The following NLN variants were observed in gnomAD, a reference collection of about 807,000 sequenced individuals.
The protein encoded by NLN is neurolysin, mitochondrial.
A neutral mutation model predicts 79.9 loss-of-function variants in NLN; 64 were observed. That is an observed-to-expected ratio of 0.80 (90% CI 0.65 to 0.99). The LOEUF is 0.99. Among genes scored for constraint, NLN ranks in the 50% least tolerant of loss-of-function variants. The pLI, the probability that NLN is intolerant of heterozygous loss-of-function variation, is 0.00. For synonymous variants in NLN, 267 were observed against 296.6 expected (o/e 0.90, Z 1.02); for missense variants, 835 against 858.7 (o/e 0.97, Z 0.34).
intron 9 of NLN, among the ~76,000 whole-genome samples, chr5:65,807,550 C>T (rs1159616156): frequency 1.3e-5 from 2 of 151,994 alleles, no homozygotes; most frequent in Non-Finnish European, 2.9e-5. Flanking sequence ...AAGCAATTCT[C>T]CTGCCTCAGC....
intron 3 of NLN, among the ~76,000 whole-genome samples, chr5:65,763,483 T>C (rs886066684): frequency 2.0e-5 from 3 of 152,224 alleles, no homozygotes; most frequent in Non-Finnish European, 4.4e-5. Context: ...GATGACATAC[T>C]GTTGATGCTG....
At chr5:65,746,781 G>A (rs1758989088) in intron 1 of NLN, among the ~76,000 whole-genome samples, 1 of 152,078 alleles carries the variant, frequency 6.6e-6, no homozygotes, top group Non-Finnish European at 1.5e-5. Flanking sequence ...GAGGCAGGCG[G>A]ATCACAAGGT....
rs1037651536 is a variant in NLN at position 65,722,309 on chromosome 5, C to T, written c.-65C>T. ...AGACTCCCGGGCGCCCAGGCGCTGC[C>T]GCCCGCCTCGCCGCCCCACGCCGAA... On this transcript the variant is annotated 5_prime_UTR_variant, in exon 1 of 13. Coordinates refer to ENST00000380985, the MANE Select transcript of NLN (RefSeq NM_020726.5). 37 of 1,391,676 alleles carry T rather than the reference C, an allele frequency of 2.7e-5. No homozygotes were observed. The African/African-American group carries it at 5.1e-4, about 19-fold the overall frequency. The allele number at this position is 1,391,676 out of a possible 1,614,324, so 86.2% of individuals were successfully genotyped here.
chr5:65,773,705 A>G (rs1364833500), intron 3 of NLN, among the ~76,000 whole-genome samples: 2 of 152,110 alleles, frequency 1.3e-5, no homozygotes, highest in East Asian at 1.9e-4. Flanking sequence ...CAGGTTGGGA[A>G]GCCGAGGCAG....
intron 3 of NLN, among the ~76,000 whole-genome samples, chr5:65,772,959 T>G (rs1372126270): frequency 4.6e-4 from 69 of 151,486 alleles, no homozygotes; most frequent in Admixed American, 3.2e-3. Flanking sequence ...TTTTGTTTTT[T>G]TTTTTTTTAA....
chr5:65,773,349 G>A (rs1561195655), intron 3 of NLN, among the ~76,000 whole-genome samples: 1 of 151,516 alleles, frequency 6.6e-6, no homozygotes, highest in East Asian at 2.0e-4. Flanking sequence ...ATGTTTCCCA[G>A]GCTGGTGAAC....
In NLN at chr5:65,827,133, G is replaced by T. The variant is rs1330698692; in HGVS notation, c.*4218G>T. ...AGCCTTTTTTAACAAACACAATAAT[G>T]CTGTACGTCTGTAACAAAACAAAAT... On this transcript the variant is annotated 3_prime_UTR_variant, in exon 13 of 13. Coordinates refer to ENST00000380985, the MANE Select transcript of NLN (RefSeq NM_020726.5). 6.6e-6 allele frequency: 1 copy of T among 151,728 alleles called. No individual in the cohort carries two copies. The highest frequency in any genetic ancestry group is 1.5e-5 in the Non-Finnish European group (1 of 67,996). The allele number at this position is 151,728 out of a possible 1,614,324, so 9.4% of individuals were successfully genotyped here.
intron 1 of NLN, chr5:65,733,616 A>G (rs187631650): frequency 0.016 from 23,660 of 1,495,422 alleles, 3,304 homozygotes; most frequent in South Asian, 0.049. Context: ...CCTGTGGCTC[A>G]TGGCCATCTG....
Position 65,800,830 on chromosome 5 carries a change from A to AG in NLN, c.1527+8175_1527+8176insG, listed in dbSNP as rs1760271260. Among the ~76,000 whole-genome samples the AG allele has an allele frequency of 2.6e-5, 4 of 152,036 alleles. No homozygotes were observed. The South Asian group carries it at 6.2e-4, about 24-fold the overall frequency. On this transcript the variant is annotated intron_variant, in intron 9 of 12. Transcript: ENST00000380985. ...CTCAGACTCCTGAGTAGCTGAGACT[A>AG]CAGGAATGCACCACCATGCCCAGCT...
chr5:65,727,006 G>A (rs1471750871), intron 1 of NLN, among the ~76,000 whole-genome samples: 2 of 142,302 alleles, frequency 1.4e-5, no homozygotes, highest in African/African-American at 2.6e-5. Flanking sequence ...CCCTTCCCAA[G>A]GCCAGCTTCC....
At chr5:65,792,073 T>G (rs1434626741) in intron 8 of NLN, among the ~76,000 whole-genome samples, 1 of 152,234 alleles carries the variant, frequency 6.6e-6, no homozygotes, top group African/African-American at 2.4e-5. Context: ...GGCTGCCTAG[T>G]GAGTCAAACT....
At chr5:65,809,888 TCTC>T in intron 10 of NLN, 146 bp from the exon 11 acceptor site, 1 of 1,053,504 alleles carries the variant, frequency 9.5e-7, no homozygotes, top group South Asian at 1.6e-5. Context: ...AAAAACCACA[TCTC>T]CTTTTAAATC....
At chr5:65,819,970 A>G (rs537565959) in intron 12 of NLN, among the ~76,000 whole-genome samples, 1 of 152,316 alleles carries the variant, frequency 6.6e-6, no homozygotes, top group South Asian at 2.1e-4. Flanking sequence ...AATTGAATCA[A>G]CTTGTTTGGA....
intron 9 of NLN, among the ~76,000 whole-genome samples, chr5:65,808,011 A>G (rs1203880928): frequency 6.6e-6 from 1 of 152,210 alleles, no homozygotes; most frequent in Non-Finnish European, 1.5e-5. Flanking sequence ...TTACACTATC[A>G]TATACCATAA....
chr5:65,728,816 A>G (rs1047395372), intron 1 of NLN, among the ~76,000 whole-genome samples: 2 of 152,204 alleles, frequency 1.3e-5, no homozygotes, highest in African/African-American at 4.8e-5. Context: ...TTAGAAAGTC[A>G]GACAAATTCA....
At chr5:65,765,299 C>T (rs539008298) in intron 3 of NLN, among the ~76,000 whole-genome samples, 11 of 152,262 alleles carry the variant, frequency 7.2e-5, no homozygotes, top group African/African-American at 1.4e-4. Context: ...GGGTGGATCA[C>T]GGGAGGTCAG....
intron 1 of NLN, among the ~76,000 whole-genome samples, chr5:65,728,626 T>C (rs1025313221): frequency 4.6e-5 from 7 of 152,070 alleles, no homozygotes; most frequent in Non-Finnish European, 8.8e-5. Flanking sequence ...AGCATTTTAA[T>C]TTTTTTTATC....
rs1561219374 is a variant in NLN, at chr5:65,826,687, T to A, written c.*3772T>A. 1 of 152,196 alleles carries A rather than the reference T, an allele frequency of 6.6e-6. No homozygotes were observed. The highest frequency in any genetic ancestry group is 1.5e-5 in the Non-Finnish European group (1 of 68,064). 9.4% of individuals were successfully genotyped at this position (152,196 alleles called of 1,614,324 possible). On this transcript the variant is annotated 3_prime_UTR_variant, in exon 13 of 13. Transcript: ENST00000380985. Reference sequence around the variant, plus strand: ...TGGAAGGTTGAGGCAGGAGGATCCTTTGTGCTCAAGAGTTTGAGACCAGCC... The same window carrying A: ...TGGAAGGTTGAGGCAGGAGGATCCTATGTGCTCAAGAGTTTGAGACCAGCC...
At chr5:65,811,508 G>T (rs1023088070) in intron 11 of NLN, among the ~76,000 whole-genome samples, 1 of 151,932 alleles carries the variant, frequency 6.6e-6, no homozygotes. Flanking sequence ...CCTACAGGTA[G>T]ATTGAATTGG....
Sources: gnomAD v4.1 joint callset for allele counts (sites outside exome capture counted in the v4.1 genomes callset) on GRCh38, gnomAD v4.1.1 for gene constraint, MANE v1.5 for transcripts, NCBI Gene and HGNC (gene_info 2026-07-23, HGNC 2026-07-21) for gene names.